The following DSCAM variants were observed in gnomAD, a reference collection of about 807,000 sequenced individuals.
The protein encoded by DSCAM is DS cell adhesion molecule.
DSCAM carries 47 observed loss-of-function variants against 217.7 expected under a neutral mutation model. That is an observed-to-expected ratio of 0.22 (90% confidence interval 0.17 to 0.28). The LOEUF is 0.28. Among genes scored for constraint, DSCAM ranks in the 10% least tolerant of loss-of-function variants. The probability of loss-of-function intolerance (pLI) is 1.00; values close to 1 mark genes in which losing one functional copy is unlikely to be tolerated. For missense variants in DSCAM, 2,080 were observed against 2,618.3 expected (o/e 0.79, Z 4.49); for synonymous variants, 1,056 against 1,015.3 (o/e 1.04, Z -0.76).
At chr21:40,719,173 C>T (rs369854119) in intron 1 of DSCAM, among the ~76,000 whole-genome samples, 4 of 152,036 alleles carry the variant, frequency 2.6e-5, no homozygotes, top group African/African-American at 9.7e-5. Flanking sequence ...TTCACAAAGG[C>T]CAATATATAA....
At chr21:40,785,436 T>C (rs1051742704) in intron 1 of DSCAM, among the ~76,000 whole-genome samples, 1 of 152,194 alleles carries the variant, frequency 6.6e-6, no homozygotes, top group Admixed American at 6.5e-5. Flanking sequence ...TGAAGTTTCC[T>C]AAAATAAGGG....
At position 40,498,688 on chromosome 21, in the gene DSCAM, T is replaced by C. The variant is rs1333334869; in HGVS notation, c.509-129443A>G. On this transcript the variant is annotated intron_variant, in intron 3 of 32. Coordinates refer to ENST00000400454, the MANE Select transcript of DSCAM (RefSeq NM_001389.5). ...ATACCCATATATATATATATATATA[T>C]ATATATATAGATATATATATATGGG... Among the ~76,000 whole-genome samples the C allele has an allele frequency of 1.5e-3, 10 of 6,646 alleles. 2 individuals are homozygous for C. The highest frequency in any genetic ancestry group is 0.015 in the African/African-American group (9 of 618). The allele number at this position is 6,646 out of a possible 152,430, so 4.4% of individuals were successfully genotyped here. A position where few individuals can be genotyped will look rare whatever the true frequency, so the allele number is the denominator to read the frequency against.
intron 1 of DSCAM, among the ~76,000 whole-genome samples, chr21:40,799,572 C>A (rs2091720696): frequency 6.6e-6 from 1 of 152,140 alleles, no homozygotes; most frequent in Non-Finnish European, 1.5e-5. Context: ...GGGCTGCACT[C>A]CCTTTGAAGG....
intron 3 of DSCAM, among the ~76,000 whole-genome samples, chr21:40,411,270 G>A (rs1025485067): frequency 6.7e-6 from 1 of 149,706 alleles, no homozygotes; most frequent in Non-Finnish European, 1.5e-5. Flanking sequence ...AACAAAAGAG[G>A]GGCAGAATAA....
At chr21:40,516,860 G>A (rs916124183) in intron 3 of DSCAM, among the ~76,000 whole-genome samples, 3 of 147,706 alleles carry the variant, frequency 2.0e-5, no homozygotes, top group Admixed American at 6.9e-5. Context: ...TAGCAAATCC[G>A]GATACACACA....
intron 3 of DSCAM, among the ~76,000 whole-genome samples, chr21:40,415,276 T>C (rs951345079): frequency 6.6e-6 from 1 of 152,198 alleles, no homozygotes; most frequent in African/African-American, 2.4e-5. Context: ...TGGCTCAATT[T>C]CTAGGACAAA....
intron 20 of DSCAM, among the ~76,000 whole-genome samples, chr21:40,118,645 G>A (rs552416132): frequency 1.3e-5 from 2 of 152,284 alleles, no homozygotes; most frequent in African/African-American, 4.8e-5. Context: ...ATGTCACTTT[G>A]CTCATTTATT....
At chr21:40,230,721 T>C (rs1196109156) in intron 11 of DSCAM, among the ~76,000 whole-genome samples, 11 of 152,086 alleles carry the variant, frequency 7.2e-5, no homozygotes, top group African/African-American at 2.4e-4. Context: ...AACTGAAGAG[T>C]GTGTTGTGTT....
chr21:40,799,790 T>C (rs1427031065), intron 1 of DSCAM, among the ~76,000 whole-genome samples: 1 of 152,220 alleles, frequency 6.6e-6, no homozygotes, highest in Non-Finnish European at 1.5e-5. Context: ...TTAGGCTTAA[T>C]AGTTAATCCA....
chr21:40,245,463 T>C (rs750342831), intron 11 of DSCAM, among the ~76,000 whole-genome samples: 1 of 152,128 alleles, frequency 6.6e-6, no homozygotes, highest in South Asian at 2.1e-4. Context: ...TGCTGGGTGA[T>C]TTCGCATGAG....
At chr21:40,174,073 T>C (rs1042609602) in intron 15 of DSCAM, among the ~76,000 whole-genome samples, 22 of 152,162 alleles carry the variant, frequency 1.4e-4, no homozygotes, top group African/African-American at 4.1e-4. Flanking sequence ...ACGTGGCTGA[T>C]CCGTGTCAAA....
chr21:40,481,552 A>T (rs998360415), intron 3 of DSCAM, among the ~76,000 whole-genome samples: 1 of 144,522 alleles, frequency 6.9e-6, no homozygotes, highest in African/African-American at 2.6e-5. Flanking sequence ...AAAAAAAAAA[A>T]GCTCACAAGA....
intron 3 of DSCAM, among the ~76,000 whole-genome samples, chr21:40,590,167 A>G (rs186059192): frequency 6.6e-6 from 1 of 152,380 alleles, no homozygotes; most frequent in East Asian, 1.9e-4. Flanking sequence ...AGGGAAGACC[A>G]AGCCTAGGCT....
intron 3 of DSCAM, among the ~76,000 whole-genome samples, chr21:40,625,596 C>T (rs2089589636): frequency 1.3e-5 from 2 of 152,160 alleles, no homozygotes; most frequent in South Asian, 4.1e-4. Flanking sequence ...CAATCACCCA[C>T]TCAAGGCGGA....
At chr21:40,810,560 A>G (rs2091828987) in intron 1 of DSCAM, among the ~76,000 whole-genome samples, 2 of 152,030 alleles carry the variant, frequency 1.3e-5, no homozygotes, top group African/African-American at 2.4e-5. Context: ...CCCAGCTCCA[A>G]CCTCCCTGGA....
intron 1 of DSCAM, among the ~76,000 whole-genome samples, chr21:40,760,860 A>T (rs2091325984): frequency 6.6e-6 from 1 of 152,186 alleles, no homozygotes; most frequent in South Asian, 2.1e-4. Flanking sequence ...CTACCTTCCC[A>T]GCTGGGACAG....
At chr21:40,334,058 G>A (rs930016341) in intron 8 of DSCAM, among the ~76,000 whole-genome samples, 4 of 152,096 alleles carry the variant, frequency 2.6e-5, no homozygotes, top group African/African-American at 9.7e-5. Flanking sequence ...CAGATATTTG[G>A]TGAAGGGTTC....
Position 40,170,076 on chromosome 21 carries a change from C to T in DSCAM, c.2948-2788G>A, listed in dbSNP as rs532677740. The stretch of plus-strand genomic sequence containing the variant: ...CTCCCAGAAGGCACCTCGCCGTCCT[C>T]TCCACGCTTTCGTTCCGCGCACTCC... On this transcript the variant is annotated intron_variant, in intron 15 of 32. Transcript: ENST00000400454. 5.4e-4 allele frequency among the ~76,000 whole-genome samples: 82 copies of T among 152,208 alleles called. 1 individual carries two copies. Among genetic ancestry groups the T allele is most frequent in the Non-Finnish European group, 6.5e-4 (44 of 68,030 alleles).
At chr21:40,232,462 C>T (rs1179376666) in intron 11 of DSCAM, among the ~76,000 whole-genome samples, 1 of 152,116 alleles carries the variant, frequency 6.6e-6, no homozygotes, top group Non-Finnish European at 1.5e-5. Context: ...AAACAAGATG[C>T]TAGTCAGTGT....
Sources: allele counts gnomAD v4.1 joint callset (sites outside exome capture counted in the v4.1 genomes callset), GRCh38; gene constraint gnomAD v4.1.1; transcripts MANE v1.5; gene names NCBI Gene and HGNC (gene_info 2026-07-23, HGNC 2026-07-21).